SLC13A3: variants seen among roughly 807,000 people sequenced by gnomAD.
SLC13A3 encodes the protein solute carrier family 13 member 3.
SLC13A3 carries 40 observed loss-of-function variants against 59.0 expected under a neutral mutation model. That is an observed-to-expected ratio of 0.68 (90% CI 0.53 to 0.88). The LOEUF is 0.88. Among genes scored for constraint, SLC13A3 ranks in the 40% least tolerant of loss-of-function variants. SLC13A3 has a pLI of 0.00. For synonymous variants in SLC13A3, 317 were observed against 330.3 expected (o/e 0.96, Z 0.44); for missense variants, 699 against 783.2 (o/e 0.89, Z 1.28).
chr20:46,579,309 G>T (rs202385), intron 9 of SLC13A3, among the ~76,000 whole-genome samples: 40,432 of 151,826 alleles, frequency 0.27, 8,794 homozygotes, highest in East Asian at 0.57. Flanking sequence ...TAAATTTCTG[G>T]AGACAGGCTC....
intron 1 of SLC13A3, among the ~76,000 whole-genome samples, chr20:46,679,477 G>C (rs957266589): frequency 1.3e-5 from 2 of 152,220 alleles, no homozygotes; most frequent in Non-Finnish European, 2.9e-5. Flanking sequence ...CGCCGGGCGT[G>C]GTGGCGGGCG....
intron 10 of SLC13A3, among the ~76,000 whole-genome samples, chr20:46,570,437 A>G (rs2062020206): frequency 6.6e-6 from 1 of 152,250 alleles, no homozygotes; most frequent in Admixed American, 6.5e-5. Context: ...TGCATGTAAT[A>G]CACCTAACCT....
intron 1 of SLC13A3, among the ~76,000 whole-genome samples, chr20:46,622,826 G>C (rs1020095810): frequency 2.6e-5 from 4 of 152,116 alleles, no homozygotes; most frequent in Non-Finnish European, 5.9e-5. Context: ...GGGATAGTTT[G>C]AACAACTTTT....
At chr20:46,575,475 G>T (rs2062066204) in intron 10 of SLC13A3, 98 bp downstream of exon 10, 3 of 608,168 alleles carry the variant, frequency 4.9e-6, no homozygotes, top group Non-Finnish European at 8.3e-6. Context: ...GGCCCGTGCA[G>T]CTCACCTGCT....
At chr20:46,672,757 C>G (rs926198757), upstream of SLC13A3, among the ~76,000 whole-genome samples, 2 of 152,138 alleles carry the variant, frequency 1.3e-5, no homozygotes, top group East Asian at 3.9e-4. Flanking sequence ...GACTACTGCC[C>G]TGAGGCTGTC....
At chr20:46,674,715 G>A (rs1243699030), upstream of SLC13A3, among the ~76,000 whole-genome samples, 1 of 151,838 alleles carries the variant, frequency 6.6e-6, no homozygotes, top group Non-Finnish European at 1.5e-5. Flanking sequence ...GGCTAGGTTT[G>A]GAAGAGAGAA....
In SLC13A3 at chr20:46,582,909, C is replaced by T. The variant is rs145551682; in HGVS notation, c.1219+663G>A. 710 of 985,306 alleles carry T rather than the reference C, an allele frequency of 7.2e-4. 7 individuals are homozygous for T. The African/African-American group carries it at 8.1e-3, about 11-fold the overall frequency. 61.0% of individuals were successfully genotyped at this position (985,306 alleles called of 1,614,324 possible). A position where few individuals can be genotyped will look rare whatever the true frequency, so the allele number is the denominator to read the frequency against. ...CTGGCAATCTGAAGGCCACAGTCTA[C>T]AACATTTTGGTTAGAGGTACTCAGT... On this transcript the variant is annotated intron_variant, in intron 9 of 12. Transcript: ENST00000279027.
At chr20:46,599,576 GGT>G (rs2062351869) in intron 4 of SLC13A3, among the ~76,000 whole-genome samples, 1 of 152,124 alleles carries the variant, frequency 6.6e-6, no homozygotes, top group South Asian at 2.1e-4. Context: ...AGTCATGTAG[GGT>G]GAAGGGCTGT....
intron 1 of SLC13A3, among the ~76,000 whole-genome samples, chr20:46,658,794 C>T (rs775774545): frequency 5.7e-4 from 87 of 152,206 alleles, no homozygotes; most frequent in Non-Finnish European, 1.1e-3. Context: ...CTATTTCTCA[C>T]TTTAGTTCTG....
chr20:46,663,025 C>G (rs1275081668), intron 1 of SLC13A3, among the ~76,000 whole-genome samples: 1 of 152,140 alleles, frequency 6.6e-6, no homozygotes, highest in Non-Finnish European at 1.5e-5. Flanking sequence ...CATGGTGTGT[C>G]ACACCTGTAA....
At chr20:46,650,118 G>T (rs937062160) in intron 1 of SLC13A3, among the ~76,000 whole-genome samples, 1 of 152,182 alleles carries the variant, frequency 6.6e-6, no homozygotes, top group African/African-American at 2.4e-5. Flanking sequence ...GCTGGGCTGG[G>T]CAGGGCACAG....
chr20:46,603,860 C>G (rs1432765065), intron 3 of SLC13A3, among the ~76,000 whole-genome samples: 1 of 151,652 alleles, frequency 6.6e-6, no homozygotes, highest in Admixed American at 6.6e-5. Context: ...AAGACTTCAA[C>G]AGAGCTGGGT....
intron 9 of SLC13A3, among the ~76,000 whole-genome samples, chr20:46,580,225 G>A (rs2062122113): frequency 6.6e-6 from 1 of 152,072 alleles, no homozygotes; most frequent in African/African-American, 2.4e-5. Context: ...CAGAGTGCTG[G>A]GATTACAGGT....
At chr20:46,588,211 G>T in intron 7 of SLC13A3, 48 bp from the exon 8 acceptor site, 1 of 1,185,906 alleles carries the variant, frequency 8.4e-7, no homozygotes, top group Non-Finnish European at 1.2e-6. Flanking sequence ...GTTTCAGGCA[G>T]ACCGCAGCAG....
At chr20:46,563,326 C>T (rs2061947596) in intron 12 of SLC13A3, 88 bp downstream of exon 12, 2 of 1,430,080 alleles carry the variant, frequency 1.4e-6, no homozygotes, top group Non-Finnish European at 9.5e-7. Context: ...GTGGGGTCAG[C>T]GTGCAGGAGT....
At chr20:46,656,699 A>G (rs1282675030) in intron 1 of SLC13A3, among the ~76,000 whole-genome samples, 1 of 151,412 alleles carries the variant, frequency 6.6e-6, no homozygotes, top group African/African-American at 2.4e-5. Context: ...ATTTCTTTGA[A>G]TAATTTTATG....
In SLC13A3 at chr20:46,578,904, C is replaced by T. The variant is rs576512023; in HGVS notation, c.1220-3219G>A. ...AAGAGGAAAGAGAAGTCGTCGTCGT[C>T]GTCATCATCATCATCATCATCATCA... is the stretch of plus-strand genomic sequence containing the variant. On this transcript the variant is annotated intron_variant, in intron 9 of 12. Coordinates refer to ENST00000279027, the MANE Select transcript of SLC13A3 (RefSeq NM_022829.6). 2.1e-4 allele frequency among the ~76,000 whole-genome samples: 32 copies of T among 149,464 alleles called. No individual in the cohort carries two copies. In the East Asian group the frequency reaches 2.1e-3, roughly 10 times the overall value.
At chr20:46,577,641 ACC>A (rs2062092487) in intron 9 of SLC13A3, among the ~76,000 whole-genome samples, 2 of 152,212 alleles carry the variant, frequency 1.3e-5, no homozygotes, top group East Asian at 1.9e-4. Context: ...AATGTTAGCT[ACC>A]ATGGGTTTTA....
intron 8 of SLC13A3, 56 bp downstream of exon 8, chr20:46,588,003 G>T: frequency 1.0e-6 from 1 of 983,390 alleles, no homozygotes; most frequent in Non-Finnish European, 1.5e-6. Context: ...GCTCCAGGTG[G>T]CCCAGCCCAG....
Sources: allele counts gnomAD v4.1 joint callset (sites outside exome capture counted in the v4.1 genomes callset), GRCh38; gene constraint gnomAD v4.1.1; transcripts MANE v1.5; gene names NCBI Gene and HGNC (gene_info 2026-07-23, HGNC 2026-07-21).